The following DNAI4 variants were observed in gnomAD, a reference collection of about 807,000 sequenced individuals.
The protein encoded by DNAI4 is dynein axonemal intermediate chain 4.
Under a neutral mutation model 105.8 loss-of-function variants are expected in DNAI4, and 85 were observed. The ratio of observed to expected loss-of-function variants is 0.80; its 90% CI spans 0.67 to 0.96. The LOEUF (loss-of-function observed/expected upper bound fraction) is 0.96. Among genes scored for constraint, DNAI4 ranks in the 40% least tolerant of loss-of-function variants. DNAI4 has a pLI of 0.00. For missense variants in DNAI4, 1,014 were observed against 1,005.6 expected, an observed-to-expected ratio of 1.01 and a Z score of -0.11; for synonymous variants, 352 against 331.5, an observed-to-expected ratio of 1.06 and a Z score of -0.67.
chr1:66,830,433 A>G (rs538672996), intron 13 of DNAI4, among the ~76,000 whole-genome samples: 39 of 152,254 alleles, frequency 2.6e-4, no homozygotes, highest in Non-Finnish European at 4.9e-4. Flanking sequence ...TGAGCCCAGG[A>G]GTTTGACACC....
At chr1:66,921,798 G>T (rs1440436911) in intron 1 of DNAI4, among the ~76,000 whole-genome samples, 1 of 152,040 alleles carries the variant, frequency 6.6e-6, no homozygotes, top group Non-Finnish European at 1.5e-5. Context: ...CTAGGCAATG[G>T]ATACAGTAGT....
chr1:66,851,554 T>C (rs1052027754), intron 7 of DNAI4, among the ~76,000 whole-genome samples: 26 of 152,002 alleles, frequency 1.7e-4, no homozygotes, highest in African/African-American at 6.0e-4. Flanking sequence ...GAAATCATAG[T>C]GTGTTAAAAG....
intron 2 of DNAI4, among the ~76,000 whole-genome samples, chr1:66,896,319 T>A (rs1270943060): frequency 4.6e-5 from 7 of 152,244 alleles, no homozygotes. Context: ...TACAATAACA[T>A]AATATGCATT....
chr1:66,896,305 G>A (rs1369062127), intron 2 of DNAI4, among the ~76,000 whole-genome samples: 1 of 152,114 alleles, frequency 6.6e-6, no homozygotes, highest in Non-Finnish European at 1.5e-5. Flanking sequence ...ATTCAAAATT[G>A]AAATACAATA....
intron 7 of DNAI4, among the ~76,000 whole-genome samples, chr1:66,857,764 G>T (rs750736302): frequency 6.6e-6 from 1 of 151,970 alleles, no homozygotes; most frequent in Non-Finnish European, 1.5e-5. Context: ...TTGAACTCAT[G>T]TTGGTCATGT....
At chr1:66,868,283 C>T (rs1006351145) in intron 6 of DNAI4, among the ~76,000 whole-genome samples, 5 of 152,126 alleles carry the variant, frequency 3.3e-5, no homozygotes, top group East Asian at 3.9e-4. Flanking sequence ...ACAAAATATC[C>T]TCATATTTTA....
At position 66,920,553 on chromosome 1, in the gene DNAI4, G is replaced by GT. The variant is rs576804382; in HGVS notation, c.170+4108dup. Among the ~76,000 whole-genome samples the GT allele has an allele frequency of 2.0e-5, 3 of 152,246 alleles. No individual in the cohort carries two copies. In the South Asian group the frequency reaches 6.2e-4, roughly 32 times the overall value. On this transcript the variant is annotated intron_variant, in intron 1 of 16. Coordinates refer to ENST00000371026, the MANE Select transcript of DNAI4 (RefSeq NM_024763.5). ...ACCCTCCCCTAGATACTGTTGGGGA[G>GT]TGAGTATGTAGTTTGCTCTTGAAGG... is the stretch of plus-strand genomic sequence containing the variant.
At chr1:66,878,273 C>A (rs1281599953) in intron 4 of DNAI4, among the ~76,000 whole-genome samples, 1 of 151,926 alleles carries the variant, frequency 6.6e-6, no homozygotes, top group Non-Finnish European at 1.5e-5. Context: ...ATTGTTCTAC[C>A]TTTTGCCATT....
intron 16 of DNAI4, among the ~76,000 whole-genome samples, chr1:66,814,581 G>A (rs1645477857): frequency 1.3e-5 from 2 of 152,118 alleles, no homozygotes; most frequent in South Asian, 2.1e-4. Context: ...TGTTAGCTAG[G>A]ATGGTCTCGA....
At chr1:66,907,004 TTC>T (rs1649304496) in intron 1 of DNAI4, 1 of 152,180 alleles carries the variant, frequency 6.6e-6, no homozygotes, top group African/African-American at 2.4e-5. Flanking sequence ...TCTTATTTTT[TTC>T]TCTTTTCCCT....
chr1:66,913,162 C>T (rs1649787327), intron 1 of DNAI4, among the ~76,000 whole-genome samples: 1 of 152,090 alleles, frequency 6.6e-6, no homozygotes, highest in African/African-American at 2.4e-5. Context: ...AGCCTGAGAC[C>T]CATCCCTAGG....
intron 13 of DNAI4, among the ~76,000 whole-genome samples, chr1:66,829,608 T>C (rs897338633): frequency 5.3e-5 from 8 of 152,056 alleles, no homozygotes; most frequent in Non-Finnish European, 1.2e-4. Context: ...AATAGACAAA[T>C]CTACAATTAT....
chr1:66,902,703 C>CT lies in DNAI4; in HGVS notation c.345+2497dup, dbSNP rs1181931783. Among the ~76,000 whole-genome samples the CT allele has an allele frequency of 5.3e-5, 8 of 152,164 alleles. 1 individual carries two copies. On this transcript the variant is annotated intron_variant, in intron 2 of 16. Coordinates refer to ENST00000371026, the MANE Select transcript of DNAI4 (RefSeq NM_024763.5). ...TCTTATTTGGGGTCTTTGATCCATT[C>CT]TGAATTTATTTTTGCAGATGGTATA...
rs1320162436 is a variant in DNAI4 at position 66,890,240 on chromosome 1, A to C, written c.643+914T>G. Reference sequence around the variant, plus strand: ...GGAGGATCGCTGGAGCCCAGGAAGCAGAGGTTGCAGTGAGCCAAGATTGCA... The same window carrying C: ...GGAGGATCGCTGGAGCCCAGGAAGCCGAGGTTGCAGTGAGCCAAGATTGCA... On this transcript the variant is annotated intron_variant, in intron 4 of 16. Transcript: ENST00000371026. The surrounding 1 kb of genome is among the most constrained non-coding windows in gnomAD (Gnocchi z 4.1). The C allele has an allele frequency of 6.6e-6, 1 of 152,496 alleles. No homozygotes were observed. Among genetic ancestry groups the C allele is most frequent in the Non-Finnish European group, 1.5e-5 (1 of 68,478 alleles). 9.4% of individuals were successfully genotyped at this position (152,496 alleles called of 1,614,324 possible).
chr1:66,858,658 A>G (rs1443534303), intron 7 of DNAI4, among the ~76,000 whole-genome samples: 1 of 152,184 alleles, frequency 6.6e-6, no homozygotes, highest in African/African-American at 2.4e-5. Context: ...AGCTGGTTCA[A>G]CATTCAGGAT....
chr1:66,866,298 C>T lies in DNAI4; in HGVS notation c.941-3996G>A, dbSNP rs561259241. 2.0e-5 allele frequency among the ~76,000 whole-genome samples: 3 copies of T among 150,506 alleles called. No individual in the cohort carries two copies. In the South Asian group the frequency reaches 6.3e-4, roughly 32 times the overall value. On this transcript the variant is annotated intron_variant, in intron 6 of 16. Coordinates refer to ENST00000371026, the MANE Select transcript of DNAI4 (RefSeq NM_024763.5). The stretch of plus-strand genomic sequence containing the variant: ...CTCCAGCCTGGGCGACAGAATGAGA[C>T]TCTGTCTCAAAAAAAAAAGAAAAAA...
At chr1:66,912,698 GCATGCT>G (rs1469136055) in intron 1 of DNAI4, among the ~76,000 whole-genome samples, 1 of 152,136 alleles carries the variant, frequency 6.6e-6, no homozygotes, top group Non-Finnish European at 1.5e-5. Context: ...TCACGGGCGC[GCATGCT>G]CAACTTTGGC....
rs760255666 is a variant in DNAI4 at position 66,924,751 on chromosome 1, GC to G, written c.80del (p.Gly27AlafsTer31). On this transcript the variant is annotated frameshift_variant, in exon 1 of 17. Transcript: ENST00000371026. LOFTEE classifies it high-confidence loss of function. ...GAWGYRDFRG[G>X]QKKGWCTTPQ... Reference sequence around the variant, plus strand: ...GAGTGGTGCACCACCCCTTTTTTTGGCCGCCTCTGAAGTCCCTGTACCCCCA... The same window carrying G: ...GAGTGGTGCACCACCCCTTTTTTTGGCGCCTCTGAAGTCCCTGTACCCCCA... 1.9e-6 allele frequency: 3 copies of G among 1,614,102 alleles called. No homozygotes were observed.
chr1:66,885,271 T>C (rs1346842828), intron 4 of DNAI4, among the ~76,000 whole-genome samples: 4 of 152,238 alleles, frequency 2.6e-5, no homozygotes, highest in African/African-American at 9.6e-5. Context: ...GTCTACAGAA[T>C]GCCATCTAGC....
Sources: gnomAD v4.1 joint callset for allele counts (sites outside exome capture counted in the v4.1 genomes callset) on GRCh38, gnomAD v4.1.1 for gene constraint, Gnocchi (gnomAD v3.1) non-coding constraint, MANE v1.5 for transcripts, NCBI Gene and HGNC (gene_info 2026-07-23, HGNC 2026-07-21) for gene names.